The following CACNA1E variants were observed in gnomAD, a reference collection of about 807,000 sequenced individuals.
The protein encoded by CACNA1E is voltage-dependent R-type calcium channel subunit alpha-1E.
A neutral mutation model predicts 259.2 loss-of-function variants in CACNA1E; 40 were observed. The ratio of observed to expected loss-of-function variants is 0.15; its 90% CI spans 0.12 to 0.20. CACNA1E has a LOEUF of 0.20. Among genes scored for constraint, CACNA1E ranks in the 10% least tolerant of loss-of-function variants. The pLI, the probability that CACNA1E is intolerant of heterozygous loss-of-function variation, is 1.00. For missense variants in CACNA1E, 1,874 were observed against 3,040.1 expected, an observed-to-expected ratio of 0.62 and a Z score of 9.02; for synonymous variants, 1,104 against 1,138.5, an observed-to-expected ratio of 0.97 and a Z score of 0.61.
intron 1 of CACNA1E, among the ~76,000 whole-genome samples, chr1:181,333,111 C>T (rs1404886689): frequency 6.6e-6 from 1 of 152,144 alleles, no homozygotes; most frequent in Non-Finnish European, 1.5e-5. Context: ...GAAAGGGGCT[C>T]CCTTCATCAG....
chr1:181,560,258 T>C (rs918412927), intron 3 of CACNA1E, among the ~76,000 whole-genome samples: 1 of 148,582 alleles, frequency 6.7e-6, no homozygotes, highest in Non-Finnish European at 1.5e-5. Flanking sequence ...GTGTGTGTGA[T>C]TATAAGGAAT....
chr1:181,527,418 A>G (rs1667443446), intron 3 of CACNA1E, among the ~76,000 whole-genome samples: 1 of 152,328 alleles, frequency 6.6e-6, no homozygotes, highest in Non-Finnish European at 1.5e-5. Context: ...GATTTTGGGG[A>G]TACACAAACA....
At chr1:181,783,963 G>T (rs1426999812) in intron 40 of CACNA1E, among the ~76,000 whole-genome samples, 179 bp downstream of exon 40, 1 of 152,174 alleles carries the variant, frequency 6.6e-6, no homozygotes, top group Admixed American at 6.5e-5. Context: ...CTGGTACAGT[G>T]AATGGTTTGA....
chr1:181,728,756 G>A (rs986652884), intron 18 of CACNA1E, among the ~76,000 whole-genome samples: 2 of 148,514 alleles, frequency 1.3e-5, no homozygotes, highest in African/African-American at 5.0e-5. Flanking sequence ...TGTGCATTTT[G>A]CTCGGGTGTG....
chr1:181,698,712 G>A (rs1463961040), intron 7 of CACNA1E, among the ~76,000 whole-genome samples: 3 of 151,956 alleles, frequency 2.0e-5, no homozygotes, highest in Non-Finnish European at 4.4e-5. Flanking sequence ...GTCTTTGCTT[G>A]TATGTCACCA....
intron 6 of CACNA1E, among the ~76,000 whole-genome samples, chr1:181,591,987 C>G (rs1000623098): frequency 2.0e-5 from 3 of 152,220 alleles, no homozygotes; most frequent in Non-Finnish European, 4.4e-5. Flanking sequence ...CTTCCTGTCT[C>G]TCAGTCTAGC....
At chr1:181,754,884 A>C (rs1172000049) in intron 27 of CACNA1E, among the ~76,000 whole-genome samples, 2 of 152,258 alleles carry the variant, frequency 1.3e-5, no homozygotes, top group Non-Finnish European at 2.9e-5. Context: ...AATGATCTCA[A>C]ATATTCCTTC....
At chr1:181,616,220 C>T (rs887484575) in intron 6 of CACNA1E, among the ~76,000 whole-genome samples, 15 of 152,184 alleles carry the variant, frequency 9.9e-5, no homozygotes, top group African/African-American at 3.6e-4. Context: ...ATGAAACAAG[C>T]TAGATATGCT....
chr1:181,555,313 A>G (rs1300709984), intron 3 of CACNA1E, among the ~76,000 whole-genome samples: 1 of 152,140 alleles, frequency 6.6e-6, no homozygotes, highest in South Asian at 2.1e-4. Flanking sequence ...AGAATTGCAG[A>G]CTCCAGGAGG....
chr1:181,663,955 G>C (rs1647942528), intron 7 of CACNA1E, among the ~76,000 whole-genome samples: 1 of 152,192 alleles, frequency 6.6e-6, no homozygotes, highest in South Asian at 2.1e-4. Context: ...CTAAAGGATT[G>C]TTAAAGCTGT....
intron 1 of CACNA1E, among the ~76,000 whole-genome samples, chr1:181,382,269 G>A (rs1208606969): frequency 3.9e-5 from 6 of 152,200 alleles, no homozygotes; most frequent in Non-Finnish European, 5.9e-5. Flanking sequence ...TGTGGCTAGA[G>A]TTGGTAAGGG....
intron 35 of CACNA1E, among the ~76,000 whole-genome samples, chr1:181,768,058 T>C (rs1050066135): frequency 6.6e-6 from 1 of 152,250 alleles, no homozygotes. Flanking sequence ...ACCTCAAACA[T>C]TTATATCTTA....
intron 13 of CACNA1E, 132 bp downstream of exon 13, chr1:181,719,995 T>C: frequency 1.3e-6 from 1 of 755,238 alleles, no homozygotes; most frequent in South Asian, 2.0e-5. Context: ...CCCTTTTCTA[T>C]TCTTTAGCTC....
At chr1:181,567,706 T>C (rs1429854271) in intron 3 of CACNA1E, among the ~76,000 whole-genome samples, 2 of 152,218 alleles carry the variant, frequency 1.3e-5, no homozygotes, top group Non-Finnish European at 2.9e-5. Flanking sequence ...TTCATCATTC[T>C]GGGATAACAC....
intron 8 of CACNA1E, among the ~76,000 whole-genome samples, chr1:181,712,389 C>T (rs1398198812): frequency 1.3e-5 from 2 of 152,142 alleles, no homozygotes; most frequent in Non-Finnish European, 2.9e-5. Context: ...AGTGAGGTCA[C>T]AGAGGAAAAA....
chr1:181,504,035 C>T (rs1665492314), intron 1 of CACNA1E, among the ~76,000 whole-genome samples: 1 of 152,164 alleles, frequency 6.6e-6, no homozygotes. Flanking sequence ...CTGTTACTGT[C>T]TTTGAGTCAA....
Position 181,798,381 on chromosome 1 carries a change from G to T in CACNA1E, c.6489G>T (p.Pro2163=), listed in dbSNP as rs377180948. The change falls in exon 48 of 48, where the codon CCG becomes CCT. Residue 2163 remains proline, a synonymous_variant. Transcript: ENST00000367573. This position sits in a 1 kb window ranked among gnomAD's most constrained non-coding sequence, Gnocchi z 4.2. ...RRSRRQLPPV[P]PKPRPLLSYS... is the part of the protein sequence containing the mutation. Reference sequence around the variant, plus strand: ...GTCGTCGGCAGCTCCCACCCGTCCCGCCAAAGCCCCGGCCCCTCCTTTCCT... The same window carrying T: ...GTCGTCGGCAGCTCCCACCCGTCCCTCCAAAGCCCCGGCCCCTCCTTTCCT... The T allele has an allele frequency of 2.8e-5, 45 of 1,612,640 alleles. No individual in the cohort carries two copies. The African/African-American group carries it at 5.3e-4, about 19-fold the overall frequency.
intron 1 of CACNA1E, among the ~76,000 whole-genome samples, chr1:181,391,913 TTC>T (rs1403226101): frequency 1.6e-5 from 2 of 122,430 alleles, no homozygotes; most frequent in Non-Finnish European, 3.4e-5. Flanking sequence ...CTCTCTGTCT[TTC>T]TCTCTCTCTG....
intron 7 of CACNA1E, among the ~76,000 whole-genome samples, chr1:181,686,217 A>G (rs184675408): frequency 2.6e-4 from 36 of 137,780 alleles, no homozygotes; most frequent in Admixed American, 2.6e-3. Context: ...ATGCTAAGCT[A>G]TTGTCATCAT....
Sources: gnomAD v4.1 joint callset for allele counts (sites outside exome capture counted in the v4.1 genomes callset) on GRCh38, gnomAD v4.1.1 for gene constraint, Gnocchi (gnomAD v3.1) non-coding constraint, MANE v1.5 for transcripts, NCBI Gene and HGNC (gene_info 2026-07-23, HGNC 2026-07-21) for gene names.